The following RORA variants were observed in gnomAD, a reference collection of about 807,000 sequenced individuals.
RORA encodes the protein RAR related orphan receptor A.
In RORA, 7 loss-of-function variants were observed where a neutral mutation model predicts 69.5. The observed-to-expected ratio is 0.10, with a 90% CI of 0.06 to 0.19. The LOEUF is 0.19. RORA is among the 10% of genes least tolerant of loss of function. The pLI, the probability that RORA is intolerant of heterozygous loss-of-function variation, is 1.00. For synonymous variants in RORA, 261 were observed against 240.8 expected (o/e 1.08, Z -0.78); for missense variants, 457 against 663.0 (o/e 0.69, Z 3.41).
In RORA at chr15:60,531,713, A is replaced by G. The variant is rs2066531048; in HGVS notation, c.282+53T>C. On this transcript the variant is annotated intron_variant, in intron 3 of 10. Coordinates refer to ENST00000335670, the MANE Select transcript of RORA (RefSeq NM_134261.3). This position sits in a 1 kb window ranked among gnomAD's most constrained non-coding sequence, Gnocchi z 4.8. ...CATAAGTGGAGACATACAAATCACA[A>G]AGATATATTCTAACAAACATTAATA... 1 of 993,364 alleles carries G rather than the reference A, an allele frequency of 1.0e-6. No homozygotes were observed. 61.5% of individuals were successfully genotyped at this position (993,364 alleles called of 1,614,324 possible).
At chr15:61,110,831 G>A (rs976002466) in intron 1 of RORA, among the ~76,000 whole-genome samples, 1 of 152,194 alleles carries the variant, frequency 6.6e-6, no homozygotes, top group Non-Finnish European at 1.5e-5. Flanking sequence ...TCGTCCAACT[G>A]GATCAGTATT....
intron 1 of RORA, among the ~76,000 whole-genome samples, chr15:60,941,509 A>C (rs1284396824): frequency 6.6e-6 from 1 of 152,212 alleles, no homozygotes; most frequent in Admixed American, 6.5e-5. Flanking sequence ...TACCAGTGCC[A>C]TGGTCAACAG....
At chr15:61,127,290 T>C (rs924333993) in intron 1 of RORA, among the ~76,000 whole-genome samples, 75 of 152,302 alleles carry the variant, frequency 4.9e-4, no homozygotes, top group African/African-American at 1.7e-3. Flanking sequence ...ACCAATTTGC[T>C]TTGGAGAATG....
At chr15:60,781,083 CT>C (rs978431910) in intron 1 of RORA, among the ~76,000 whole-genome samples, 1 of 152,190 alleles carries the variant, frequency 6.6e-6, no homozygotes, top group Non-Finnish European at 1.5e-5. Context: ...AGAGCTGCAT[CT>C]TTTGGACTCA....
At chr15:61,178,568 A>T (rs912163614) in intron 1 of RORA, among the ~76,000 whole-genome samples, 4 of 152,070 alleles carry the variant, frequency 2.6e-5, no homozygotes, top group Admixed American at 2.6e-4. Flanking sequence ...GTCTACTAAA[A>T]CACTTCTAAG....
At chr15:60,779,832 A>C (rs940869455) in intron 1 of RORA, among the ~76,000 whole-genome samples, 1 of 152,196 alleles carries the variant, frequency 6.6e-6, no homozygotes, top group African/African-American at 2.4e-5. Flanking sequence ...TGATCAGTCA[A>C]CTGAGGCCTG....
At chr15:60,909,822 C>T (rs534435557) in intron 1 of RORA, among the ~76,000 whole-genome samples, 37 of 152,310 alleles carry the variant, frequency 2.4e-4, no homozygotes, top group South Asian at 6.2e-4. Flanking sequence ...AGATTGAGAA[C>T]GCCTACCTAT....
At chr15:61,203,301 G>A (rs1443083964) in intron 1 of RORA, among the ~76,000 whole-genome samples, 1 of 152,206 alleles carries the variant, frequency 6.6e-6, no homozygotes, top group Non-Finnish European at 1.5e-5. Context: ...GATGATGGAA[G>A]ACAGAAAAGC....
intron 1 of RORA, among the ~76,000 whole-genome samples, chr15:60,929,071 T>C (rs1892297790): frequency 6.6e-6 from 1 of 152,156 alleles, no homozygotes. Context: ...CTGGGTCCAT[T>C]GGAGGAGCAT....
intron 1 of RORA, among the ~76,000 whole-genome samples, chr15:61,141,519 C>G (rs1398190238): frequency 6.6e-6 from 1 of 152,058 alleles, no homozygotes; most frequent in African/African-American, 2.4e-5. Context: ...AAAAAAGAAA[C>G]CAGAATAATG....
At chr15:61,114,722 T>C (rs1487045184) in intron 1 of RORA, among the ~76,000 whole-genome samples, 1 of 152,186 alleles carries the variant, frequency 6.6e-6, no homozygotes, top group Non-Finnish European at 1.5e-5. Flanking sequence ...GCATCACGGA[T>C]GGTTATCCCT....
At position 61,147,906 on chromosome 15, in the gene RORA, T is replaced by C. The variant is rs991427746; in HGVS notation, c.166+81147A>G. On this transcript the variant is annotated intron_variant, in intron 1 of 10. Transcript: ENST00000335670. This position sits in a 1 kb window ranked among gnomAD's most constrained non-coding sequence, Gnocchi z 4.1. ...CTTGGCAGGGCAGGAACAAGGATAG[T>C]TCATCCAGAATTACCTTAAGAAATA... Among the ~76,000 whole-genome samples the C allele has an allele frequency of 6.6e-6, 1 of 152,154 alleles. No homozygotes were observed. Among genetic ancestry groups the C allele is most frequent in the Non-Finnish European group, 1.5e-5 (1 of 68,026 alleles).
chr15:60,824,313 T>C (rs1454774154), intron 1 of RORA, among the ~76,000 whole-genome samples: 1 of 152,230 alleles, frequency 6.6e-6, no homozygotes, highest in Non-Finnish European at 1.5e-5. Context: ...GTCTAATCTA[T>C]GAAGTCAAAA....
At chr15:60,796,975 C>T (rs1472414949) in intron 1 of RORA, among the ~76,000 whole-genome samples, 1 of 149,492 alleles carries the variant, frequency 6.7e-6, no homozygotes, top group Admixed American at 6.7e-5. Flanking sequence ...TATACAAATA[C>T]CATGAGTAGG....
intron 1 of RORA, among the ~76,000 whole-genome samples, chr15:60,866,044 G>T (rs1006204804): frequency 4.6e-5 from 7 of 152,086 alleles, no homozygotes; most frequent in Non-Finnish European, 1.0e-4. Flanking sequence ...ATTTTTCTGT[G>T]TTAGGAACAT....
chr15:60,641,654 G>T (rs1054190926), intron 2 of RORA, among the ~76,000 whole-genome samples: 7 of 151,810 alleles, frequency 4.6e-5, no homozygotes, highest in Admixed American at 2.6e-4. Context: ...CAGGTGATCC[G>T]CCCGCCTCAG....
At chr15:60,743,036 T>G (rs1404768005) in intron 1 of RORA, among the ~76,000 whole-genome samples, 1 of 150,328 alleles carries the variant, frequency 6.7e-6, no homozygotes, top group Non-Finnish European at 1.5e-5. Context: ...TTTTTTTTTT[T>G]TTTAGTCTCA....
At chr15:61,057,818 C>T (rs2078116394) in intron 1 of RORA, among the ~76,000 whole-genome samples, 1 of 152,156 alleles carries the variant, frequency 6.6e-6, no homozygotes, top group Admixed American at 6.5e-5. Flanking sequence ...AAGTAGATGG[C>T]TTGAAACTCT....
intron 2 of RORA, among the ~76,000 whole-genome samples, chr15:60,622,791 C>T (rs1226819128): frequency 1.3e-5 from 2 of 152,130 alleles, no homozygotes; most frequent in East Asian, 1.9e-4. Flanking sequence ...TCTTGGCTCA[C>T]GGCCACCTCC....
Sources: allele counts gnomAD v4.1 joint callset (sites outside exome capture counted in the v4.1 genomes callset), GRCh38; gene constraint gnomAD v4.1.1; non-coding constraint Gnocchi (gnomAD v3.1); transcripts MANE v1.5; gene names NCBI Gene and HGNC (gene_info 2026-07-23, HGNC 2026-07-21).